Variants in TRPM2 observed in about 807,000 individuals in gnomAD.
TRPM2 encodes the protein transient receptor potential cation channel subfamily M member 2, also known as estrogen-responsive element-associated gene 1 protein.
TRPM2 carries 161 observed loss-of-function variants against 174.0 expected under a neutral mutation model. That is an observed-to-expected ratio of 0.93 (90% confidence interval 0.81 to 1.05). TRPM2 has a LOEUF of 1.05. Ranked by LOEUF, TRPM2 falls within the 50% of genes least tolerant of loss-of-function variation. The pLI is 0.00. For synonymous variants in TRPM2, 954 were observed against 861.3 expected, an observed-to-expected ratio of 1.11 and a Z score of -1.88; for missense variants, 2,057 against 2,038.0, an observed-to-expected ratio of 1.01 and a Z score of -0.18.
At chr21:44,417,479 C>G (rs1431405542) in intron 20 of TRPM2, among the ~76,000 whole-genome samples, 1 of 121,734 alleles carries the variant, frequency 8.2e-6, no homozygotes, top group East Asian at 2.6e-4. Context: ...TGGCTCTGCT[C>G]TCTGGCATCA....
At chr21:44,390,428 A>G (rs1336813559) in intron 9 of TRPM2, among the ~76,000 whole-genome samples, 3 of 152,232 alleles carry the variant, frequency 2.0e-5, no homozygotes, top group Non-Finnish European at 4.4e-5. Context: ...CACAGAAACT[A>G]CTTGAGCAAA....
chr21:44,405,343 C>T (rs1048321780), intron 17 of TRPM2, 83 bp downstream of exon 17: 3 of 1,577,432 alleles, frequency 1.9e-6, no homozygotes, highest in Non-Finnish European at 2.6e-6. Flanking sequence ...CCAGAACCAG[C>T]CACACCGGGT....
At chr21:44,352,184 C>T (rs1174819047), upstream of TRPM2, among the ~76,000 whole-genome samples, 1 of 152,248 alleles carries the variant, frequency 6.6e-6, no homozygotes, top group Non-Finnish European at 1.5e-5. Flanking sequence ...GCTGCGGGGA[C>T]AGCTCATGGC....
At chr21:44,430,208 A>G (rs1409940411) in intron 27 of TRPM2, among the ~76,000 whole-genome samples, 2 of 152,208 alleles carry the variant, frequency 1.3e-5, no homozygotes, top group Non-Finnish European at 2.9e-5. Context: ...GAATTTGCCT[A>G]TAATTTATAT....
intron 27 of TRPM2, among the ~76,000 whole-genome samples, chr21:44,429,354 C>A (rs1601246225): frequency 1.7e-5 from 2 of 114,824 alleles, no homozygotes. Flanking sequence ...ATGGGGTGAT[C>A]TTGGCTCACT....
At chr21:44,386,522 G>A (rs1263630413) in intron 9 of TRPM2, among the ~76,000 whole-genome samples, 1 of 152,010 alleles carries the variant, frequency 6.6e-6, no homozygotes, top group East Asian at 1.9e-4. Context: ...AAATACTGAG[G>A]AATTAATTAA....
In TRPM2 at chr21:44,399,562, G is replaced by C. The variant is rs1022995802; in HGVS notation, c.2208+121G>C. 7.3e-7 allele frequency: 1 copy of C among 1,366,822 alleles called. No homozygotes were observed. The highest frequency in any genetic ancestry group is 1.5e-5 in the South Asian group (1 of 64,910). 84.7% of individuals were successfully genotyped at this position (1,366,822 alleles called of 1,614,324 possible). ...CAGGCTTCAGGGCCCTCAGCAGCTC[G>C]GGGACAGCGCCTGACCCCTCGGCCA... On this transcript the variant is annotated intron_variant, in intron 14 of 31. Transcript: ENST00000397928. The surrounding 1 kb of genome is among the most constrained non-coding windows in gnomAD (Gnocchi z 4.6).
In TRPM2 at chr21:44,441,671, GCTGTGCC is replaced by G; in HGVS notation, c.4387-18_4387-12del. The G allele has an allele frequency of 6.3e-7, 1 of 1,598,680 alleles. No individual in the cohort carries two copies. Among genetic ancestry groups the G allele is most frequent in the South Asian group, 1.1e-5 (1 of 88,660 alleles). On this transcript the variant is annotated splice_polypyrimidine_tract_variant and intron_variant, in intron 31 of 31. Coordinates refer to ENST00000397928, the MANE Select transcript of TRPM2 (RefSeq NM_003307.4). Reference sequence around the variant, plus strand: ...GAGGCAGGGCTGGCGGGGAGGGTCAGCTGTGCCCTTGTTCTTCCAGAACCTGCACGCC... The same window carrying G: ...GAGGCAGGGCTGGCGGGGAGGGTCAGCTTGTTCTTCCAGAACCTGCACGCC...
chr21:44,416,289 C>T (rs2050277007), intron 20 of TRPM2: 1 of 152,276 alleles, frequency 6.6e-6, no homozygotes, highest in African/African-American at 2.4e-5. Flanking sequence ...AGGTTGCCAC[C>T]TTTCAGAACG....
At chr21:44,413,367 C>T (rs542585634) in intron 19 of TRPM2, among the ~76,000 whole-genome samples, 2 of 151,992 alleles carry the variant, frequency 1.3e-5, no homozygotes, top group Non-Finnish European at 2.9e-5. Flanking sequence ...CTCAGCCTCC[C>T]GAGTAGCTGG....
intron 9 of TRPM2, among the ~76,000 whole-genome samples, chr21:44,383,749 C>T (rs932417016): frequency 5.9e-5 from 9 of 152,056 alleles, no homozygotes; most frequent in African/African-American, 1.4e-4. Context: ...GGAAACTAAA[C>T]GACACTACCT....
rs1181796366 is a variant in TRPM2 at position 44,391,481 on chromosome 21, GC to G, written c.1653del (p.Ala552ArgfsTer51). The G allele has an allele frequency of 1.3e-6, 2 of 1,598,628 alleles. No homozygotes were observed. The highest frequency in any genetic ancestry group is 1.3e-5 in the African/African-American group (1 of 74,586). The stretch of plus-strand genomic sequence containing the variant: ...AGGATCCCGAGCGCCCGGCTTGCGC[GC>G]CCGCGGCGCCCCGCCTGCAGATGCA... ...VEDPERPACA[P>X]AAPRLQMHHV... On this transcript the variant is annotated frameshift_variant, in exon 11 of 32. Transcript: ENST00000397928. LOFTEE classifies it high-confidence loss of function. The surrounding 1 kb of genome is among the most constrained non-coding windows in gnomAD (Gnocchi z 5.0).
chr21:44,370,375 C>A (rs904915565), intron 5 of TRPM2, among the ~76,000 whole-genome samples: 14 of 152,194 alleles, frequency 9.2e-5, no homozygotes, highest in African/African-American at 3.4e-4. Context: ...GAGGACGGAG[C>A]ACTCCTGCCT....
chr21:44,418,351 C>G, intron 21 of TRPM2, 72 bp from the exon 22 acceptor site: 4 of 1,576,610 alleles, frequency 2.5e-6, no homozygotes, highest in African/African-American at 1.4e-5. Flanking sequence ...GGGGCCCCCC[C>G]GGTGGGTCAG....
upstream of TRPM2, among the ~76,000 whole-genome samples, chr21:44,350,627 G>T: frequency 7.1e-6 from 1 of 140,022 alleles, no homozygotes; most frequent in Non-Finnish European, 1.6e-5. Flanking sequence ...GCGCGGTGGG[G>T]TGCAGGGGCG....
At chr21:44,408,414 C>T (rs1045788112) in intron 19 of TRPM2, among the ~76,000 whole-genome samples, 17 of 152,064 alleles carry the variant, frequency 1.1e-4, no homozygotes, top group Admixed American at 3.3e-4. Flanking sequence ...TCCAAAGAAC[C>T]GGCCGCATTC....
rs1341027298 is a variant in TRPM2, at chr21:44,406,621, C to T, written c.2818C>T (p.Leu940=). The change falls in exon 19 of 32, where the codon CTG becomes TTG. Residue 940 remains leucine, a synonymous_variant. Transcript: ENST00000397928. ...MMKDVFFFLF[L]LAVWVVSFGV... ...GAAGGACGTCTTCTTCTTCCTCTTC[C>T]TGCTGGCTGTGTGGGTGGTGTCCTT... The T allele has an allele frequency of 3.1e-6, 5 of 1,610,816 alleles. No homozygotes were observed. The highest frequency in any genetic ancestry group is 4.2e-6 in the Non-Finnish European group (5 of 1,179,440).
At chr21:44,403,704 T>C (rs1386948140) in intron 16 of TRPM2, among the ~76,000 whole-genome samples, 1 of 147,738 alleles carries the variant, frequency 6.8e-6, no homozygotes, top group Non-Finnish European at 1.5e-5. Flanking sequence ...CATATACACA[T>C]GCATACACAC....
chr21:44,364,406 C>A, intron 3 of TRPM2, 124 bp downstream of exon 3: 1 of 1,163,408 alleles, frequency 8.6e-7, no homozygotes, highest in Non-Finnish European at 1.2e-6. Context: ...GTGCATAGAG[C>A]CCACTGCACA....
Sources: allele counts gnomAD v4.1 joint callset (sites outside exome capture counted in the v4.1 genomes callset), GRCh38; gene constraint gnomAD v4.1.1; non-coding constraint Gnocchi (gnomAD v3.1); transcripts MANE v1.5; gene names NCBI Gene and HGNC (gene_info 2026-07-23, HGNC 2026-07-21).